Variants in HK1 observed in about 807,000 individuals in gnomAD.
HK1 encodes the protein hexokinase-1.
In HK1, 28 loss-of-function variants were observed where a neutral mutation model predicts 91.6. The ratio of observed to expected loss-of-function variants is 0.31; its 90% CI spans 0.23 to 0.42. The LOEUF (loss-of-function observed/expected upper bound fraction) is 0.42, where lower values mean the gene tolerates loss of function less well. HK1 is among the 10% of genes least tolerant of loss of function. HK1 has a pLI of 1.00. For synonymous variants in HK1, 430 were observed against 468.1 expected (o/e 0.92, Z 1.05); for missense variants, 770 against 1,219.8 (o/e 0.63, Z 5.49).
At chr10:69,331,164 G>C (rs1321858389) in intron 1 of HK1, among the ~76,000 whole-genome samples, 6 of 152,194 alleles carry the variant, frequency 3.9e-5, no homozygotes, top group Admixed American at 3.9e-4. Flanking sequence ...ACAGGCATGA[G>C]CCGCCACGCC....
At chr10:69,394,671 C>T (rs946978353) in intron 15 of HK1, among the ~76,000 whole-genome samples, 2 of 152,072 alleles carry the variant, frequency 1.3e-5, no homozygotes, top group African/African-American at 4.8e-5. Flanking sequence ...GGGGAAGTGA[C>T]CTTGGGGCTG....
chr10:69,312,491 G>A (rs957417896), upstream of HK1, among the ~76,000 whole-genome samples: 18 of 152,004 alleles, frequency 1.2e-4, no homozygotes, highest in African/African-American at 4.1e-4. Flanking sequence ...CACCCGCCTC[G>A]GCCTCCCAAA....
chr10:69,271,791 T>C (rs1005334212), intron 1 of HK1, among the ~76,000 whole-genome samples: 6 of 152,026 alleles, frequency 3.9e-5, no homozygotes, highest in Non-Finnish European at 8.8e-5. Context: ...AATTTTGAAG[T>C]CCTGATGAGT....
At chr10:69,296,434 G>A (rs1845566351) in intron 4 of HK1, 2 of 152,206 alleles carry the variant, frequency 1.3e-5, no homozygotes, top group Non-Finnish European at 2.9e-5. Context: ...TCCACTGATT[G>A]CGTAGCTTTA....
At chr10:69,344,083 T>C in intron 2 of HK1, 94 bp downstream of exon 2, 1 of 1,275,606 alleles carries the variant, frequency 7.8e-7, no homozygotes, top group Non-Finnish European at 1.1e-6. Flanking sequence ...GCTCATTCAT[T>C]CATTCACCAT....
Position 69,401,248 on chromosome 10 carries a change from C to T in HK1, c.*113C>T, listed in dbSNP as rs372523358. 26 of 1,315,570 alleles carry T rather than the reference C, an allele frequency of 2.0e-5. No individual in the cohort carries two copies. In the Admixed American group the frequency reaches 2.8e-4, roughly 14 times the overall value. 81.5% of individuals were successfully genotyped at this position (1,315,570 alleles called of 1,614,324 possible). A position where few individuals can be genotyped will look rare whatever the true frequency, so the allele number is the denominator to read the frequency against. ...ACGCTGGCGCCAGGGCCTGCCGGCG[C>T]GGGGAGGAAAGCAAAATCCAACTAA... On this transcript the variant is annotated 3_prime_UTR_variant, in exon 18 of 18. Transcript: ENST00000359426.
intron 2 of HK1, among the ~76,000 whole-genome samples, chr10:69,283,612 C>T (rs1336168228): frequency 6.6e-6 from 1 of 151,050 alleles, no homozygotes; most frequent in Non-Finnish European, 1.5e-5. Flanking sequence ...GAAACCCCAT[C>T]TCTACTAAAA....
At chr10:69,392,850 G>A (rs1839966832) in intron 15 of HK1, among the ~76,000 whole-genome samples, 2 of 152,214 alleles carry the variant, frequency 1.3e-5, no homozygotes, top group African/African-American at 4.8e-5. Flanking sequence ...GTCTCCCTAG[G>A]AGCAGAAAGA....
At chr10:69,400,944 G>A (rs377152396) in intron 17 of HK1, 47 bp from the exon 18 acceptor site, 76 of 1,610,496 alleles carry the variant, frequency 4.7e-5, no homozygotes, top group Middle Eastern at 1.6e-4. Flanking sequence ...TAGGCCCAGC[G>A]TCTCTCATCT....
chr10:69,351,405 A>T (rs1848865592), intron 2 of HK1, among the ~76,000 whole-genome samples: 1 of 152,086 alleles, frequency 6.6e-6, no homozygotes, highest in African/African-American at 2.4e-5. Flanking sequence ...GCTACTGGGG[A>T]GGCTGAGGCA....
chr10:69,288,778 CTGGTG>C, intron 3 of HK1: 1 of 1,612,526 alleles, frequency 6.2e-7, no homozygotes, highest in Non-Finnish European at 8.5e-7. Flanking sequence ...TCGGTAAGCT[CTGGTG>C]TTTCTTTCTT....
At chr10:69,317,132 T>C (rs1319712321), upstream of HK1, among the ~76,000 whole-genome samples, 1 of 152,210 alleles carries the variant, frequency 6.6e-6, no homozygotes, top group Non-Finnish European at 1.5e-5. Flanking sequence ...TCCCAGGGCC[T>C]AGAAGGGTAG....
chr10:69,279,702 T>C (rs1396556974), intron 1 of HK1, among the ~76,000 whole-genome samples: 1 of 152,208 alleles, frequency 6.6e-6, no homozygotes, highest in Non-Finnish European at 1.5e-5. Context: ...AGTCAAGTCA[T>C]AAATGCAGGA....
In HK1 at chr10:69,274,690, A is replaced by G. The variant is rs1251035857; in HGVS notation, c.-391+4582A>G. On this transcript the variant is annotated intron_variant, in intron 1 of 21. Transcript: ENST00000360289. ...AGCCTTCTCTTTCTCAAATACAACA[A>G]TATTATAGGGTATCTTTCTCTGAAT... Among the ~76,000 whole-genome samples, 3 of 152,062 alleles carry G rather than the reference A, an allele frequency of 2.0e-5. No individual in the cohort carries two copies. In the East Asian group the frequency reaches 5.8e-4, roughly 29 times the overall value.
At chr10:69,367,192 C>T (rs985639881) in intron 4 of HK1, among the ~76,000 whole-genome samples, 20 of 152,160 alleles carry the variant, frequency 1.3e-4, no homozygotes, top group Non-Finnish European at 4.4e-5. Context: ...GGGTGTCCAC[C>T]TGCCAGCCTT....
chr10:69,366,150 A>G (rs1849690702), intron 4 of HK1, among the ~76,000 whole-genome samples: 1 of 152,094 alleles, frequency 6.6e-6, no homozygotes, highest in Non-Finnish European at 1.5e-5. Flanking sequence ...TTTAATACAT[A>G]CTTCACAGGT....
intron 1 of HK1, among the ~76,000 whole-genome samples, chr10:69,324,594 TA>T (rs958981680): frequency 7.3e-5 from 11 of 151,186 alleles, no homozygotes; most frequent in Middle Eastern, 3.4e-3. Flanking sequence ...AAATAATAAT[TA>T]AAAAAAAATG....
intron 2 of HK1, among the ~76,000 whole-genome samples, chr10:69,358,065 G>T (rs1243726001): frequency 1.3e-5 from 2 of 152,162 alleles, no homozygotes. Flanking sequence ...CTAGGAAAAT[G>T]ATATGCCCCA....
intron 2 of HK1, among the ~76,000 whole-genome samples, chr10:69,287,913 G>A (rs1248615925): frequency 6.6e-6 from 1 of 151,092 alleles, no homozygotes; most frequent in African/African-American, 2.4e-5. Context: ...CTGAGGCAGG[G>A]TAATCACTTG....
Sources: gnomAD v4.1 joint callset for allele counts (sites outside exome capture counted in the v4.1 genomes callset) on GRCh38, gnomAD v4.1.1 for gene constraint, MANE v1.5 for transcripts, NCBI Gene and HGNC (gene_info 2026-07-23, HGNC 2026-07-21) for gene names.